LAMA1: variants seen among roughly 807,000 people sequenced by gnomAD.
LAMA1 encodes the protein laminin subunit alpha 1.
A neutral mutation model predicts 348.7 loss-of-function variants in LAMA1; 219 were observed. That is an observed-to-expected ratio of 0.63 (90% CI 0.56 to 0.70). The LOEUF is 0.70. Ranked by LOEUF, LAMA1 falls within the 30% of genes least tolerant of loss-of-function variation. The pLI, the probability that LAMA1 is intolerant of heterozygous loss-of-function variation, is 0.00. For synonymous variants in LAMA1, 1,487 were observed against 1,491.0 expected, an observed-to-expected ratio of 1.00 and a Z score of 0.06; for missense variants, 3,744 against 3,888.0, an observed-to-expected ratio of 0.96 and a Z score of 0.99.
chr18:7,065,090 A>C (rs540616458), intron 3 of LAMA1, among the ~76,000 whole-genome samples: 1 of 151,994 alleles, frequency 6.6e-6, no homozygotes, highest in Non-Finnish European at 1.5e-5. Context: ...AAAATTAGCC[A>C]GGCATAGTGG....
chr18:6,981,436 A>C (rs1243071092), intron 41 of LAMA1, among the ~76,000 whole-genome samples: 1 of 152,094 alleles, frequency 6.6e-6, no homozygotes, highest in Non-Finnish European at 1.5e-5. Context: ...CTGGAACTCA[A>C]CTCAACCTCC....
chr18:7,054,624 C>A (rs1442726818), intron 3 of LAMA1, among the ~76,000 whole-genome samples: 1 of 152,286 alleles, frequency 6.6e-6, no homozygotes, highest in East Asian at 1.9e-4. Context: ...AAATGGACCT[C>A]TAAACGTGTG....
intron 29 of LAMA1, among the ~76,000 whole-genome samples, chr18:7,005,997 C>G (rs28698270): frequency 1.3e-5 from 2 of 152,084 alleles, no homozygotes; most frequent in East Asian, 1.9e-4. Flanking sequence ...CCAGGATCTC[C>G]GAGGCTTCGG....
chr18:7,091,472 A>T (rs1317149052), intron 1 of LAMA1, among the ~76,000 whole-genome samples: 1 of 152,202 alleles, frequency 6.6e-6, no homozygotes. Flanking sequence ...TTAAAACACC[A>T]GTTTTCTGAC....
In LAMA1 at chr18:7,040,256, A is replaced by G; in HGVS notation, c.1262-20T>C. On this transcript the variant is annotated intron_variant, in intron 9 of 62. Transcript: ENST00000389658. ...GCTTCCCTAGAAAGACAACAATGGC[A>G]ATGACCCAACATGAAGGCAAAAGAG... The G allele has an allele frequency of 6.2e-7, 1 of 1,613,916 alleles. No homozygotes were observed.
rs144715352 is a variant in LAMA1, at chr18:7,012,164, G to A, written c.3364-26C>T. On this transcript the variant is annotated intron_variant, in intron 23 of 62. Coordinates refer to ENST00000389658, the MANE Select transcript of LAMA1 (RefSeq NM_005559.4). Reference sequence around the variant, plus strand: ...CTACAGGGGAGCAAATAAAGGACTCGTTTTTGCCTAAAAAAGAGATGTGAT... The same window carrying A: ...CTACAGGGGAGCAAATAAAGGACTCATTTTTGCCTAAAAAAGAGATGTGAT... The A allele has an allele frequency of 1.1e-3, 1,712 of 1,612,228 alleles. 6 individuals carry two copies. The highest frequency in any genetic ancestry group is 5.0e-3 in the Middle Eastern group (30 of 6,052).
chr18:6,979,722 A>G (rs746930406), intron 42 of LAMA1, among the ~76,000 whole-genome samples: 13 of 151,848 alleles, frequency 8.6e-5, no homozygotes, highest in South Asian at 6.3e-4. Context: ...ACACGGTGAA[A>G]CCCCATCTCT....
At chr18:6,996,816 TAA>T (rs1456242712) in intron 33 of LAMA1, among the ~76,000 whole-genome samples, 42 of 151,922 alleles carry the variant, frequency 2.8e-4, no homozygotes, top group African/African-American at 9.4e-4. Context: ...ATAATAAAAA[TAA>T]ATAAGTGCTA....
chr18:7,112,141 T>C (rs540648408), intron 1 of LAMA1, among the ~76,000 whole-genome samples: 1 of 152,300 alleles, frequency 6.6e-6, no homozygotes, highest in South Asian at 2.1e-4. Context: ...TTAGAAGTAG[T>C]ACAATGCCAT....
intron 1 of LAMA1, among the ~76,000 whole-genome samples, chr18:7,098,534 G>A (rs1253295883): frequency 1.3e-5 from 2 of 151,250 alleles, no homozygotes; most frequent in African/African-American, 2.4e-5. Flanking sequence ...ACCTCTGCCC[G>A]GCTGCGACCC....
intron 12 of LAMA1, among the ~76,000 whole-genome samples, chr18:7,036,844 T>C (rs2057997254): frequency 2.0e-5 from 3 of 152,022 alleles, no homozygotes; most frequent in Non-Finnish European, 4.4e-5. Context: ...CTGTATGCCA[T>C]TACTTTAAAA....
chr18:7,114,238 T>A (rs1315691582), intron 1 of LAMA1, among the ~76,000 whole-genome samples: 2 of 152,224 alleles, frequency 1.3e-5, no homozygotes, highest in African/African-American at 2.4e-5. Context: ...CATCATGCAC[T>A]GAGTACCTAT....
At chr18:7,074,967 C>CAAAAAAAAAAAAAAAAAAAAAAAAAAA (rs773818069) in intron 3 of LAMA1, among the ~76,000 whole-genome samples, 1 of 52,258 alleles carries the variant, frequency 1.9e-5, no homozygotes, top group Non-Finnish European at 3.3e-5. Context: ...TACATAGAGG[C>CAAAAAAAAAAAAAAAAAAAAAAAAAAA]AAAAAAAAAA....
intron 41 of LAMA1, among the ~76,000 whole-genome samples, chr18:6,981,109 A>G (rs1346583219): frequency 6.6e-6 from 1 of 152,116 alleles, no homozygotes; most frequent in African/African-American, 2.4e-5. Context: ...TCTCAAAAAA[A>G]AAAAAAAAGA....
intron 51 of LAMA1, among the ~76,000 whole-genome samples, chr18:6,963,385 C>T (rs575820638): frequency 9.9e-5 from 15 of 152,282 alleles, no homozygotes; most frequent in African/African-American, 2.6e-4. Context: ...GTCCTGGCTC[C>T]GTCTTGGCAG....
chr18:7,072,871 G>C (rs2058151567), intron 3 of LAMA1, among the ~76,000 whole-genome samples: 2 of 152,086 alleles, frequency 1.3e-5, no homozygotes, highest in African/African-American at 4.8e-5. Context: ...GAGGCTGGAG[G>C]GCTGGAGGGA....
intron 1 of LAMA1, among the ~76,000 whole-genome samples, chr18:7,091,689 G>A (rs76583475): frequency 8.5e-5 from 13 of 152,130 alleles, no homozygotes; most frequent in African/African-American, 1.2e-4. Flanking sequence ...ATCACTTTTC[G>A]TTTAGTGCTA....
In LAMA1 at chr18:6,947,223, G is replaced by A; in HGVS notation, c.8784C>T (p.Val2928=). The change falls in exon 61 of 63, where the codon GTC becomes GTT. Residue 2928 remains valine (V), a synonymous_variant. Transcript: ENST00000389658. ...LEFRTSSQNG[V]LLGISTAKVD... ...CTTTGGCAGTGCTGATCCCCAGGAG[G>A]ACGCCATTCTGCGAGGAGGTTCGAA... 6.2e-7 allele frequency: 1 copy of A among 1,614,218 alleles called. No individual in the cohort carries two copies. The highest frequency in any genetic ancestry group is 8.5e-7 in the Non-Finnish European group (1 of 1,180,040).
chr18:7,116,858 C>A (rs1326249378), intron 1 of LAMA1, among the ~76,000 whole-genome samples: 1 of 152,036 alleles, frequency 6.6e-6, no homozygotes, highest in East Asian at 1.9e-4. Context: ...TCTTTCCGCC[C>A]GCCCGCAAAA....
Sources: allele counts gnomAD v4.1 joint callset (sites outside exome capture counted in the v4.1 genomes callset), GRCh38; gene constraint gnomAD v4.1.1; transcripts MANE v1.5; gene names NCBI Gene and HGNC (gene_info 2026-07-23, HGNC 2026-07-21).